PIGQ: variants seen among roughly 807,000 people sequenced by gnomAD.
PIGQ encodes the protein phosphatidylinositol glycan anchor biosynthesis class Q, also known as phosphatidylinositol N-acetylglucosaminyltransferase subunit Q.
A neutral mutation model predicts 60.3 loss-of-function variants in PIGQ; 54 were observed. The observed-to-expected ratio is 0.90, with a 90% CI of 0.72 to 1.12. PIGQ has a LOEUF of 1.12. PIGQ is among the 50% of genes most tolerant of loss of function. PIGQ has a pLI of 0.00. For missense variants in PIGQ, 799 were observed against 793.5 expected (o/e 1.01, Z -0.08); for synonymous variants, 416 against 363.7 (o/e 1.14, Z -1.64).
chr16:572,045 C>G (rs562056438), intron 1 of PIGQ, among the ~76,000 whole-genome samples: 1 of 152,224 alleles, frequency 6.6e-6, no homozygotes, highest in East Asian at 1.9e-4. Flanking sequence ...ACTGTTAGAC[C>G]CATTGTGTTT....
chr16:578,842 CGGCCTGCCTG>C lies in PIGQ; in HGVS notation c.1134_1143del (p.Cys378Ter). The C allele has an allele frequency of 6.2e-7, 1 of 1,613,814 alleles. No individual in the cohort carries two copies. The highest frequency in any genetic ancestry group is 1.3e-5 in the African/African-American group (1 of 75,064). On this transcript the variant is annotated frameshift_variant, in exon 6 of 11. Transcript: ENST00000321878. LOFTEE classifies it high-confidence loss of function. ...CACATCCTTTGGCACGTGGGCCTCT[CGGCCTGCCTG>C]GGCCTGACGGTGGCCCTGTCCCTCC... is the stretch of plus-strand genomic sequence containing the variant.
chr16:570,940 T>C (rs528338488), intron 1 of PIGQ, among the ~76,000 whole-genome samples: 1 of 152,350 alleles, frequency 6.6e-6, no homozygotes, highest in African/African-American at 2.4e-5. Flanking sequence ...TACTACTTTA[T>C]ATGGTCGACC....
chr16:571,073 G>GGCTAGCC (rs1485192759), intron 1 of PIGQ, among the ~76,000 whole-genome samples: 1 of 12,456 alleles, frequency 8.0e-5, no homozygotes, highest in African/African-American at 3.7e-4. Context: ...GTGTGTGTGT[G>GGCTAGCC]TGTGTGTGTG....
At chr16:576,083 C>T (rs1447540594) in intron 3 of PIGQ, 51 bp from the exon 4 acceptor site, 3 of 1,543,912 alleles carry the variant, frequency 1.9e-6, no homozygotes, top group Non-Finnish European at 1.7e-6. Flanking sequence ...TCCTGCGGCC[C>T]CAGGCTGTGC....
At position 583,116 on chromosome 16, in the gene PIGQ, C is replaced by A. The variant is rs750660902; in HGVS notation, c.*81C>A. On this transcript the variant is annotated 3_prime_UTR_variant, in exon 11 of 11. Coordinates refer to ENST00000321878, the MANE Select transcript of PIGQ (RefSeq NM_004204.5). ...GCCAGGGTGGCACCAGCTCAGCTGG[C>A]GCATGTCCTGTGCTTTGTGGACGCT... is the stretch of plus-strand genomic sequence containing the variant. The A allele has an allele frequency of 1.2e-6, 2 of 1,613,046 alleles. No homozygotes were observed. The highest frequency in any genetic ancestry group is 1.7e-6 in the Non-Finnish European group (2 of 1,179,976).
chr16:583,767 C>G lies in PIGQ; in HGVS notation c.*732C>G. On this transcript the variant is annotated 3_prime_UTR_variant, in exon 11 of 11. Transcript: ENST00000321878. ...GCCCCGTAGCAGCAGGTCCTGCGGC[C>G]AAATCTGTCTCCCTTCATGGGCCTC... 1 of 992,588 alleles carries G rather than the reference C, an allele frequency of 1.0e-6. No individual in the cohort carries two copies. Among genetic ancestry groups the G allele is most frequent in the South Asian group, 1.3e-5 (1 of 75,406 alleles). The allele number at this position is 992,588 out of a possible 1,614,324, so 61.5% of individuals were successfully genotyped here.
chr16:578,613 CTG>C lies in PIGQ; in HGVS notation c.1069+117_1069+118del, dbSNP rs571850259. ...GCCCCCAACTCTGCTCCCCAGCGTC[CTG>C]TGTGTGTGAGGCCTGCTGTGCTCAG... On this transcript the variant is annotated intron_variant, in intron 5 of 10. Transcript: ENST00000321878. 1.0e-4 allele frequency: 149 copies of C among 1,444,000 alleles called. 3 individuals carry two copies. The South Asian group carries it at 1.6e-3, about 16-fold the overall frequency. 89.4% of individuals were successfully genotyped at this position (1,444,000 alleles called of 1,614,324 possible). A position where few individuals can be genotyped will look rare whatever the true frequency, so the allele number is the denominator to read the frequency against.
In PIGQ at chr16:578,774, C is replaced by T. The variant is rs770120211; in HGVS notation, c.1070-11C>T. 6.2e-7 allele frequency: 1 copy of T among 1,612,000 alleles called. No individual in the cohort carries two copies. The highest frequency in any genetic ancestry group is 8.5e-7 in the Non-Finnish European group (1 of 1,178,710). On this transcript the variant is annotated splice_polypyrimidine_tract_variant and intron_variant, in intron 5 of 10. Coordinates refer to ENST00000321878, the MANE Select transcript of PIGQ (RefSeq NM_004204.5). ...CTGAGCGCCTCCTGAGGGCCTACCC[C>T]ACCCTGCCAGGCTACATCCACCTCA...
In PIGQ at chr16:574,262, T is replaced by C. The variant is rs1490369363; in HGVS notation, c.188T>C (p.Leu63Pro). ...RQASQVGVAVLGTWCHCRQEP... is the reference protein window; with the variant it reads ...RQASQVGVAVPGTWCHCRQEP... ...GCCAGCCAGGTGGGCGTGGCCGTGC[T>C]GGGCACCTGGTGCCACTGCCGGCAG... is the stretch of plus-strand genomic sequence containing the variant. Residue 63 changes from leucine to proline, a missense_variant, in exon 2 of 11, where the codon CTG (leucine) becomes CCG (proline). Physicochemically the swap from Leu to Pro is moderately conservative, Grantham distance 98. Coordinates refer to ENST00000321878, the MANE Select transcript of PIGQ (RefSeq NM_004204.5). 1.2e-6 allele frequency: 2 copies of C among 1,608,158 alleles called. No individual in the cohort carries two copies. The highest frequency in any genetic ancestry group is 1.7e-6 in the Non-Finnish European group (2 of 1,179,226).
chr16:577,429 T>C (rs1244867521), intron 4 of PIGQ, among the ~76,000 whole-genome samples: 1 of 151,814 alleles, frequency 6.6e-6, no homozygotes, highest in Non-Finnish European at 1.5e-5. Flanking sequence ...TACAAAAAAT[T>C]AGCCAGGTAT....
rs575681406 is a variant in PIGQ at position 577,411 on chromosome 16, A to G, written c.943-968A>G. 4.6e-5 allele frequency among the ~76,000 whole-genome samples: 7 copies of G among 152,098 alleles called. No individual in the cohort carries two copies. In the East Asian group the frequency reaches 1.2e-3, roughly 25 times the overall value. ...GCTAACACAGTGAAATCCCGTCTCT[A>G]CTAAAAATACAAAAAATTAGCCAGG... On this transcript the variant is annotated intron_variant, in intron 4 of 10. Coordinates refer to ENST00000321878, the MANE Select transcript of PIGQ (RefSeq NM_004204.5).
At chr16:576,320 C>A in intron 4 of PIGQ, 66 bp downstream of exon 4, 2 of 1,487,490 alleles carry the variant, frequency 1.3e-6, no homozygotes, top group South Asian at 1.3e-5. Flanking sequence ...GGCAGCAGAG[C>A]CTTCCCGGGC....
At chr16:579,328 C>T (rs1420392633) in intron 7 of PIGQ, 148 bp downstream of exon 7, 16 of 641,720 alleles carry the variant, frequency 2.5e-5, no homozygotes, top group South Asian at 3.6e-5. Flanking sequence ...GATAAGTCTG[C>T]GGTGTGGGCT....
At chr16:572,816 G>A (rs111857767) in intron 1 of PIGQ, among the ~76,000 whole-genome samples, 5 of 146,196 alleles carry the variant, frequency 3.4e-5, no homozygotes, top group African/African-American at 7.7e-5. Context: ...ACCTCCAGGC[G>A]TCCCGCTCTG....
At position 583,395 on chromosome 16, in the gene PIGQ, G is replaced by A. The variant is rs753328638; in HGVS notation, c.*360G>A. 4 of 1,612,714 alleles carry A rather than the reference G, an allele frequency of 2.5e-6. No individual in the cohort carries two copies. Among genetic ancestry groups the A allele is most frequent in the East Asian group, 4.5e-5 (2 of 44,880 alleles). ...GGTCCGTCCACCACAGCAGCCCCAG[G>A]TGGAGGGCTGGTCTCCCTGGGGGCT... On this transcript the variant is annotated 3_prime_UTR_variant, in exon 11 of 11. Coordinates refer to ENST00000321878, the MANE Select transcript of PIGQ (RefSeq NM_004204.5).
At chr16:578,307 G>T in intron 4 of PIGQ, 72 bp from the exon 5 acceptor site, 2 of 1,520,014 alleles carry the variant, frequency 1.3e-6, no homozygotes, top group Non-Finnish European at 1.8e-6. Context: ...AGCCCATCAC[G>T]AAAGAGCCTG....
intron 9 of PIGQ, chr16:581,357 G>A (rs1341471453): frequency 9.2e-6 from 11 of 1,197,000 alleles, no homozygotes; most frequent in South Asian, 1.6e-5. Context: ...TGCCCCGTCC[G>A]CTGTGCCGGA....
Position 574,315 on chromosome 16 carries a change from C to T in PIGQ, c.241C>T (p.Leu81=), listed in dbSNP as rs1420862458. Residue 81 remains leucine (L), a synonymous_variant, in exon 2 of 11, where the codon CTG becomes TTG. Transcript: ENST00000321878. ...GCCCGAGGAGAGCCTGGGCCGCTTC[C>T]TGGAGAGCCTGGGTGCTGTCTTCCC... ...QEPEESLGRF[L]ESLGAVFPHE... is the part of the protein sequence containing the mutation. The T allele has an allele frequency of 6.2e-7, 1 of 1,607,026 alleles. No homozygotes were observed. The highest frequency in any genetic ancestry group is 1.7e-4 in the Middle Eastern group (1 of 6,052).
intron 4 of PIGQ, among the ~76,000 whole-genome samples, chr16:577,470 G>A (rs2035739496): frequency 6.6e-6 from 1 of 151,858 alleles, no homozygotes. Context: ...CCAGCTAATT[G>A]GGAGGCTGAG....
Sources: allele counts gnomAD v4.1 joint callset (sites outside exome capture counted in the v4.1 genomes callset), GRCh38; gene constraint gnomAD v4.1.1; transcripts MANE v1.5; gene names NCBI Gene and HGNC (gene_info 2026-07-23, HGNC 2026-07-21).